The following GRM8 variants were observed in gnomAD, a reference collection of about 807,000 sequenced individuals.
The protein encoded by GRM8 is metabotropic glutamate receptor 8.
A neutral mutation model predicts 87.2 loss-of-function variants in GRM8; 47 were observed. The observed-to-expected ratio is 0.54, with a 90% confidence interval of 0.43 to 0.69. The LOEUF is 0.69. Among genes scored for constraint, GRM8 ranks in the 30% least tolerant of loss-of-function variants. The pLI, the probability that GRM8 is intolerant of heterozygous loss-of-function variation, is 0.00. For missense variants in GRM8, 1,019 were observed against 1,139.2 expected, an observed-to-expected ratio of 0.89 and a Z score of 1.52; for synonymous variants, 396 against 404.5, an observed-to-expected ratio of 0.98 and a Z score of 0.25.
At chr7:126,784,541 A>T (rs1413495930) in intron 6 of GRM8, among the ~76,000 whole-genome samples, 1 of 152,166 alleles carries the variant, frequency 6.6e-6, no homozygotes, top group Non-Finnish European at 1.5e-5. Context: ...TGGAGAGAAA[A>T]CAGGTATGAT....
intron 3 of GRM8, among the ~76,000 whole-genome samples, chr7:127,033,173 T>C (rs950091297): frequency 2.6e-5 from 4 of 152,216 alleles, no homozygotes; most frequent in African/African-American, 9.6e-5. Context: ...AATCTTCTTC[T>C]GTGTTAACTT....
intron 7 of GRM8, among the ~76,000 whole-genome samples, chr7:126,620,483 T>G (rs924185222): frequency 1.6e-4 from 24 of 152,186 alleles, no homozygotes; most frequent in African/African-American, 5.8e-4. Context: ...CATGGTTTTG[T>G]AGGGAAAATG....
chr7:126,807,065 G>T (rs1290756105), intron 6 of GRM8, among the ~76,000 whole-genome samples: 1 of 152,202 alleles, frequency 6.6e-6, no homozygotes, highest in Admixed American at 6.5e-5. Flanking sequence ...ACTACCAGGG[G>T]ATATACATTG....
chr7:127,215,271 A>G (rs1355747758), intron 2 of GRM8: 1 of 152,138 alleles, frequency 6.6e-6, no homozygotes, highest in African/African-American at 2.4e-5. Flanking sequence ...TAAGCCCTAA[A>G]CCTTCATGAG....
At chr7:127,079,905 T>C (rs151209389) in intron 3 of GRM8, among the ~76,000 whole-genome samples, 2 of 152,306 alleles carry the variant, frequency 1.3e-5, no homozygotes, top group East Asian at 3.9e-4. Flanking sequence ...AGATACAATG[T>C]CCTTTGGAGG....
chr7:127,146,995 G>A (rs147303919), intron 2 of GRM8, among the ~76,000 whole-genome samples: 102 of 152,172 alleles, frequency 6.7e-4, no homozygotes, highest in African/African-American at 2.0e-3. Context: ...TACTCACAGC[G>A]TAGGAAGCTC....
intron 3 of GRM8, among the ~76,000 whole-genome samples, chr7:126,918,715 G>T (rs2131344643): frequency 6.6e-6 from 1 of 152,264 alleles, no homozygotes; most frequent in African/African-American, 2.4e-5. Flanking sequence ...ATTATTTAAA[G>T]ATGCACTGTC....
chr7:126,638,582 A>G (rs1040778974), intron 7 of GRM8, among the ~76,000 whole-genome samples: 1 of 152,178 alleles, frequency 6.6e-6, no homozygotes, highest in South Asian at 2.1e-4. Context: ...GTGGACATGT[A>G]TTGTAGGTCA....
At chr7:126,997,611 G>T (rs183096934) in intron 3 of GRM8, among the ~76,000 whole-genome samples, 18 of 150,200 alleles carry the variant, frequency 1.2e-4, no homozygotes, top group Admixed American at 9.3e-4. Flanking sequence ...CATTACAACT[G>T]ATACAACAGG....
intron 3 of GRM8, among the ~76,000 whole-genome samples, chr7:127,049,131 T>A (rs1819219403): frequency 1.3e-5 from 2 of 152,142 alleles, no homozygotes; most frequent in South Asian, 4.1e-4. Context: ...GATAGGTAGA[T>A]TCCATGTTCA....
chr7:127,046,635 A>T (rs1747010583), intron 3 of GRM8, among the ~76,000 whole-genome samples: 1 of 152,240 alleles, frequency 6.6e-6, no homozygotes, highest in South Asian at 2.1e-4. Flanking sequence ...AGCTTTTATT[A>T]TTAAAAGAAT....
chr7:126,767,371 G>T (rs929257084), intron 7 of GRM8, among the ~76,000 whole-genome samples: 20 of 152,056 alleles, frequency 1.3e-4, no homozygotes, highest in African/African-American at 4.8e-4. Context: ...AGCCAGAGAA[G>T]ACTTCTGCTT....
intron 1 of GRM8, among the ~76,000 whole-genome samples, chr7:127,246,914 G>A (rs924925343): frequency 6.6e-6 from 1 of 152,220 alleles, no homozygotes; most frequent in African/African-American, 2.4e-5. Flanking sequence ...CAACCCCTGA[G>A]AGCGTGAGCT....
chr7:127,190,596 TG>T (rs554479721), intron 2 of GRM8, among the ~76,000 whole-genome samples: 163 of 150,992 alleles, frequency 1.1e-3, no homozygotes, highest in Middle Eastern at 7.0e-3. Flanking sequence ...TAAAGTTAAA[TG>T]GCAAAGGAAG....
chr7:127,005,639 G>A (rs540839495), intron 3 of GRM8, among the ~76,000 whole-genome samples: 1 of 151,730 alleles, frequency 6.6e-6, no homozygotes, highest in African/African-American at 2.4e-5. Context: ...TTGCATTTAA[G>A]GTTTAGCAAC....
At chr7:126,619,089 G>T (rs1234538814) in intron 7 of GRM8, among the ~76,000 whole-genome samples, 1 of 152,142 alleles carries the variant, frequency 6.6e-6, no homozygotes, top group Non-Finnish European at 1.5e-5. Context: ...GTTTATTGCG[G>T]CACTATTCAC....
chr7:126,599,208 G>T (rs1488369672), intron 8 of GRM8, among the ~76,000 whole-genome samples: 1 of 152,076 alleles, frequency 6.6e-6, no homozygotes. Flanking sequence ...TTTTATCTGG[G>T]TCACATACAT....
At chr7:126,841,997 A>G (rs534301953) in intron 6 of GRM8, among the ~76,000 whole-genome samples, 1 of 152,332 alleles carries the variant, frequency 6.6e-6, no homozygotes, top group South Asian at 2.1e-4. Flanking sequence ...ATAAAACAGA[A>G]GCTCACACAC....
intron 9 of GRM8, among the ~76,000 whole-genome samples, chr7:126,481,138 A>G (rs1304688297): frequency 6.6e-6 from 1 of 152,142 alleles, no homozygotes; most frequent in African/African-American, 2.4e-5. Context: ...ACTGACATAA[A>G]TATTTGAATA....
Sources: gnomAD v4.1 joint callset for allele counts (sites outside exome capture counted in the v4.1 genomes callset) on GRCh38, gnomAD v4.1.1 for gene constraint, MANE v1.5 for transcripts, NCBI Gene and HGNC (gene_info 2026-07-23, HGNC 2026-07-21) for gene names.